The following LRRC72 variants were observed in gnomAD, a reference collection of about 807,000 sequenced individuals.
The protein encoded by LRRC72 is leucine rich repeat containing 72, also known as leucine-rich repeat-containing protein 72.
Under a neutral mutation model 35.8 loss-of-function variants are expected in LRRC72, and 41 were observed. The ratio of observed to expected loss-of-function variants is 1.15; its 90% CI spans 0.89 to 1.49. The LOEUF (loss-of-function observed/expected upper bound fraction) is 1.49. Ranked by LOEUF, LRRC72 falls within the 40% of genes most tolerant of loss-of-function variation. LRRC72 has a pLI of 0.00. For synonymous variants in LRRC72, 118 were observed against 119.2 expected (o/e 0.99, Z 0.07); for missense variants, 389 against 330.7 (o/e 1.18, Z -1.37).
intron 7 of LRRC72, among the ~76,000 whole-genome samples, chr7:16,572,700 T>A (rs995621884): frequency 6.6e-6 from 1 of 152,208 alleles, no homozygotes; most frequent in Non-Finnish European, 1.5e-5. Context: ...AATATCATAC[T>A]GAATGGGCAA....
chr7:16,574,345 C>A (rs913155037), intron 7 of LRRC72, among the ~76,000 whole-genome samples: 2 of 152,204 alleles, frequency 1.3e-5, no homozygotes, highest in East Asian at 1.9e-4. Context: ...AAGACACATG[C>A]ACACATATGT....
intron 7 of LRRC72, among the ~76,000 whole-genome samples, chr7:16,579,304 T>G (rs983732492): frequency 5.3e-5 from 8 of 152,192 alleles, no homozygotes; most frequent in Non-Finnish European, 1.0e-4. Context: ...GAGCCTAGGA[T>G]GATCAGAAAC....
chr7:16,561,042 T>A (rs1193973729), intron 5 of LRRC72, among the ~76,000 whole-genome samples: 1 of 152,198 alleles, frequency 6.6e-6, no homozygotes. Flanking sequence ...CATAAACTCA[T>A]GCCTTGTTTT....
chr7:16,537,727 A>G, intron 3 of LRRC72, 31 bp downstream of exon 3: 1 of 1,164,474 alleles, frequency 8.6e-7, no homozygotes, highest in Non-Finnish European at 1.2e-6. Context: ...TCAATTACTA[A>G]AATTAAACTA....
rs1783140236 is a variant in LRRC72 at position 16,581,426 on chromosome 7, G to A, written c.801G>A (p.Glu267=). ...ACTGGGACACAGTTCCAACACGAGA[G>A]GAAAGGTACCTTGAAGAGGAAGGCA... ...SMNWDTVPTR[E]ERYLEEEGTE... is the part of the protein sequence containing the mutation. Residue 267 remains glutamate (E), a synonymous_variant, in exon 9 of 9, where the codon GAG becomes GAA. Transcript: ENST00000401542. 5 of 1,550,380 alleles carry A rather than the reference G, an allele frequency of 3.2e-6. No homozygotes were observed. The highest frequency in any genetic ancestry group is 3.5e-6 in the Non-Finnish European group (4 of 1,146,802).
At chr7:16,527,794 G>T (rs2128333810) in intron 1 of LRRC72, among the ~76,000 whole-genome samples, 1 of 152,218 alleles carries the variant, frequency 6.6e-6, no homozygotes, top group South Asian at 2.1e-4. Context: ...TTGCATGGAG[G>T]TATAAGAATT....
intron 5 of LRRC72, among the ~76,000 whole-genome samples, chr7:16,562,467 C>G (rs1782759785): frequency 6.6e-6 from 1 of 152,194 alleles, no homozygotes; most frequent in Non-Finnish European, 1.5e-5. Flanking sequence ...TATTAAACTC[C>G]ACTGTTGGAA....
intron 8 of LRRC72, 130 bp from the exon 9 acceptor site, chr7:16,581,194 T>C (rs1319731499): frequency 2.0e-5 from 13 of 663,548 alleles, no homozygotes; most frequent in Non-Finnish European, 2.9e-5. Context: ...CGCAAATTAT[T>C]TGTTAGTGGT....
At chr7:16,576,487 G>A (rs949788923) in intron 7 of LRRC72, among the ~76,000 whole-genome samples, 1 of 152,082 alleles carries the variant, frequency 6.6e-6, no homozygotes, top group Non-Finnish European at 1.5e-5. Context: ...ATCTTGAGAA[G>A]CAAGATCAAT....
At position 16,558,934 on chromosome 7, in the gene LRRC72, A is replaced by G. The variant is rs909564720; in HGVS notation, c.362A>G (p.Asn121Ser). The change falls in exon 5 of 9, where the codon AAT (asparagine) becomes AGT (serine). Residue 121 changes from asparagine (N) to serine (S), a missense_variant. Transcript: ENST00000401542. Reference sequence around the variant, plus strand: ...TTGCATATACTCCTGCTACACCACAATGAGCTAACCAACATTGATGCAACA... The same window carrying G: ...TTGCATATACTCCTGCTACACCACAGTGAGCTAACCAACATTGATGCAACA... ...PSLHILLLHH[N>S]ELTNIDATVK... The G allele has an allele frequency of 3.9e-6, 6 of 1,536,956 alleles. No individual in the cohort carries two copies. The African/African-American group carries it at 8.3e-5, about 21-fold the overall frequency.
chr7:16,534,420 T>C (rs1441739450), intron 2 of LRRC72, among the ~76,000 whole-genome samples: 5 of 152,150 alleles, frequency 3.3e-5, no homozygotes, highest in Admixed American at 6.5e-5. Flanking sequence ...TGATATCAGA[T>C]GTGGGCTCGT....
At chr7:16,570,543 G>T (rs1302028749) in intron 7 of LRRC72, among the ~76,000 whole-genome samples, 1 of 152,162 alleles carries the variant, frequency 6.6e-6, no homozygotes, top group Non-Finnish European at 1.5e-5. Context: ...AACTCGCCAG[G>T]CGTGGTGGCT....
chr7:16,569,973 C>T lies in LRRC72; in HGVS notation c.670+2430C>T, dbSNP rs547561967. On this transcript the variant is annotated intron_variant, in intron 7 of 8. Coordinates refer to ENST00000401542, the MANE Select transcript of LRRC72 (RefSeq NM_001195280.2). ...TGCACCTGGGAGGTGGAGGTTGCAG[C>T]GAGCCGAGATCACGCCATTGCACTC... 5.3e-5 allele frequency among the ~76,000 whole-genome samples: 8 copies of T among 150,760 alleles called. No homozygotes were observed. The East Asian group carries it at 1.6e-3, about 30-fold the overall frequency.
At chr7:16,546,892 T>C (rs549907988) in intron 3 of LRRC72, among the ~76,000 whole-genome samples, 1 of 152,260 alleles carries the variant, frequency 6.6e-6, no homozygotes, top group African/African-American at 2.4e-5. Flanking sequence ...ACTCTACCAC[T>C]TCCAACTGAT....
chr7:16,529,681 G>T (rs1782130486), intron 1 of LRRC72, among the ~76,000 whole-genome samples: 1 of 152,040 alleles, frequency 6.6e-6, no homozygotes, highest in Non-Finnish European at 1.5e-5. Flanking sequence ...CAAAATTATT[G>T]ATTGGAAAGA....
intron 3 of LRRC72, among the ~76,000 whole-genome samples, chr7:16,553,369 G>A (rs867647722): frequency 3.9e-4 from 60 of 152,276 alleles, no homozygotes; most frequent in Middle Eastern, 3.4e-3. Context: ...TCTGGATCTC[G>A]AGAAAGTTGT....
intron 3 of LRRC72, among the ~76,000 whole-genome samples, chr7:16,543,453 TTATTGAAG>T (rs1782394408): frequency 6.6e-6 from 1 of 152,190 alleles, no homozygotes; most frequent in Non-Finnish European, 1.5e-5. Context: ...TCCACAATAT[TTATTGAAG>T]TATATGAGGT....
chr7:16,530,114 C>T (rs1782136935), intron 1 of LRRC72: 1 of 151,874 alleles, frequency 6.6e-6, no homozygotes, highest in African/African-American at 2.4e-5. Context: ...TATTAGAGTT[C>T]TCGGGAGAAA....
intron 4 of LRRC72, 114 bp downstream of exon 4, chr7:16,557,555 T>C (rs1327171802): frequency 1.1e-5 from 4 of 355,794 alleles, no homozygotes; most frequent in African/African-American, 6.4e-5. Flanking sequence ...GTTGAAAATA[T>C]ATTAAGAAAT....
Sources: gnomAD v4.1 joint callset for allele counts (sites outside exome capture counted in the v4.1 genomes callset) on GRCh38, gnomAD v4.1.1 for gene constraint, MANE v1.5 for transcripts, NCBI Gene and HGNC (gene_info 2026-07-23, HGNC 2026-07-21) for gene names.